The following TAS1R2 variants were observed in gnomAD, a reference collection of about 807,000 sequenced individuals.
TAS1R2 encodes taste 1 receptor member 2, also known as taste receptor type 1 member 2.
Under a neutral mutation model 49.3 loss-of-function variants are expected in TAS1R2, and 47 were observed. The observed-to-expected ratio is 0.95, with a 90% CI of 0.75 to 1.22. The LOEUF is 1.22. TAS1R2 is among the 50% of genes most tolerant of loss of function. TAS1R2 has a pLI of 0.00. For synonymous variants in TAS1R2, 479 were observed against 467.9 expected (o/e 1.02, Z -0.31); for missense variants, 1,155 against 1,122.1 (o/e 1.03, Z -0.42).
intron 3 of TAS1R2, among the ~76,000 whole-genome samples, chr1:18,850,744 G>A (rs1400213153): frequency 6.6e-6 from 1 of 152,230 alleles, no homozygotes; most frequent in African/African-American, 2.4e-5. Context: ...GACTATTATT[G>A]GCAGGGACTT....
chr1:18,841,070 G>C (rs1933815628), intron 5 of TAS1R2, among the ~76,000 whole-genome samples: 1 of 152,174 alleles, frequency 6.6e-6, no homozygotes, highest in Non-Finnish European at 1.5e-5. Flanking sequence ...TGCTCTGCTA[G>C]GCACATATTA....
In TAS1R2 at chr1:18,839,674, G is replaced by C; in HGVS notation, c.2445C>G (p.Ile815Met). 6.2e-7 allele frequency: 1 copy of C among 1,614,224 alleles called. No homozygotes were observed. Among genetic ancestry groups the C allele is most frequent in the South Asian group, 1.1e-5 (1 of 91,078 alleles). ...GCGTGTTGCGCTCCGGGTAGAAGAGGATCATGTAGCACTTGGGGCCGAAGT... is the reference window on the plus strand; with the variant it reads ...GCGTGTTGCGCTCCGGGTAGAAGAGCATCATGTAGCACTTGGGGCCGAAGT... The change falls in exon 6 of 6, where the codon ATC (isoleucine) becomes ATG (methionine). Residue 815 changes from isoleucine (I) to methionine (M), a missense_variant. Coordinates refer to ENST00000375371, the Ensembl canonical transcript of TAS1R2.
At chr1:18,839,767 G>C (rs138899345) in exon 6 of TAS1R2, 1 of 1,614,222 alleles carries the variant, frequency 6.2e-7, no homozygotes, top group Admixed American at 1.7e-5. Context: ...CCAGCACCCC[G>C]CTGTAGGCAG....
intron 2 of TAS1R2, among the ~76,000 whole-genome samples, chr1:18,855,960 C>T (rs560796980): frequency 9.2e-5 from 14 of 152,314 alleles, no homozygotes; most frequent in African/African-American, 3.1e-4. Context: ...CCATCATCCC[C>T]GGCCTGCACT....
intron 4 of TAS1R2, 55 bp from the exon 5 acceptor site, chr1:18,841,907 C>A: frequency 6.6e-7 from 1 of 1,510,550 alleles, no homozygotes; most frequent in Non-Finnish European, 9.0e-7. Flanking sequence ...TTCTGGGGGC[C>A]CCCTCCCCTC....
chr1:18,857,669 CA>C (rs1177487515), intron 1 of TAS1R2, 38 bp from the exon 2 acceptor site: 2 of 1,589,312 alleles, frequency 1.3e-6, no homozygotes, highest in Non-Finnish European at 1.7e-6. Flanking sequence ...GAAGCAGATC[CA>C]GAATGAGGAA....
rs1289495112 is a variant in TAS1R2, at chr1:18,854,694, G to A, written c.776C>T (p.Thr259Ile). 3.7e-6 allele frequency: 6 copies of A among 1,613,670 alleles called. No individual in the cohort carries two copies. The highest frequency in any genetic ancestry group is 1.3e-5 in the African/African-American group (1 of 74,944). Residue 259 changes from threonine (T) to isoleucine (I), a missense_variant, in exon 3 of 6, where the codon ACC (threonine) becomes ATC (isoleucine). Thr to Ile is a moderately conservative substitution (Grantham distance 89). Coordinates refer to ENST00000375371, the Ensembl canonical transcript of TAS1R2. The surrounding 1 kb of genome is among the most constrained non-coding windows in gnomAD (Gnocchi z 4.9). ...GCTCTGCTGCAGCTTGTCCACAATG[G>A]TCACCAGGCGCTGGCGCTCCTCTGA...
At chr1:18,845,950 C>T (rs1006720627) in intron 4 of TAS1R2, among the ~76,000 whole-genome samples, 1 of 152,204 alleles carries the variant, frequency 6.6e-6, no homozygotes, top group Non-Finnish European at 1.5e-5. Context: ...TGGGTAGTGG[C>T]TAAGTCCGCC....
intron 3 of TAS1R2, 22 bp from the exon 4 acceptor site, chr1:18,849,572 G>T (rs757229559): frequency 6.2e-7 from 1 of 1,612,368 alleles, no homozygotes; most frequent in Non-Finnish European, 8.5e-7. Context: ...AGAGGGAAGG[G>T]AAGTGGAGCT....
chr1:18,853,960 G>A (rs1934078256), intron 3 of TAS1R2, among the ~76,000 whole-genome samples: 4 of 152,206 alleles, frequency 2.6e-5, no homozygotes, highest in Non-Finnish European at 5.9e-5. Context: ...TGGGGGAGGG[G>A]GGCGCTGCCG....
intron 3 of TAS1R2, 44 bp from the exon 4 acceptor site, chr1:18,849,594 C>G: frequency 6.2e-7 from 1 of 1,604,216 alleles, no homozygotes; most frequent in Non-Finnish European, 8.5e-7. Context: ...GCATCAGAAT[C>G]TGAGCCAGAA....
At chr1:18,859,443 C>T (rs1191840913) in intron 1 of TAS1R2, 36 bp downstream of exon 1, 3 of 1,611,810 alleles carry the variant, frequency 1.9e-6, no homozygotes, top group South Asian at 1.1e-5. Context: ...CCACCCCATC[C>T]CCACTGCCAC....
rs1421969287 is a variant in TAS1R2 at position 18,854,190 on chromosome 1, C to A, written c.1257+23G>T. 6 of 1,607,180 alleles carry A rather than the reference C, an allele frequency of 3.7e-6. No individual in the cohort carries two copies. Among genetic ancestry groups the A allele is most frequent in the Middle Eastern group, 1.7e-4 (1 of 6,052 alleles). ...GAGGAGGATGGAGGTGCCCTGCAGA[C>A]TCTATGGCAGCCACCCCCTCACCTG... On this transcript the variant is annotated intron_variant, in intron 3 of 5. Coordinates refer to ENST00000375371, the Ensembl canonical transcript of TAS1R2. This position sits in a 1 kb window ranked among gnomAD's most constrained non-coding sequence, Gnocchi z 4.9.
At chr1:18,853,050 A>C (rs1425029137) in intron 3 of TAS1R2, among the ~76,000 whole-genome samples, 2 of 152,236 alleles carry the variant, frequency 1.3e-5, no homozygotes, top group Non-Finnish European at 2.9e-5. Flanking sequence ...TGCCAGTTGC[A>C]GCTGGGAGGA....
exon 2 of TAS1R2, chr1:18,857,358 G>T: frequency 6.2e-7 from 1 of 1,614,112 alleles, no homozygotes. Flanking sequence ...GGGAGAGGAA[G>T]TTGGCCACAG....
rs977860164 is a variant in TAS1R2, at chr1:18,854,284, C to T, written c.1186G>A (p.Ala396Thr). ...CCGAGGAGGCTGTGCAGGGCATGGG[C>T]CACAGCATAGACCGCAGAGTACACG... Residue 396 changes from alanine to threonine, a missense_variant, in exon 3 of 6, where the codon GCC (alanine) becomes ACC (threonine). Ala to Thr is a moderately conservative substitution (Grantham distance 58). Transcript: ENST00000375371. The surrounding 1 kb of genome is among the most constrained non-coding windows in gnomAD (Gnocchi z 4.9). The T allele has an allele frequency of 6.2e-6, 10 of 1,614,062 alleles. No homozygotes were observed. In the Admixed American group the frequency reaches 1.3e-4, roughly 22 times the overall value.
chr1:18,855,058 C>T, intron 2 of TAS1R2, 72 bp from the exon 3 acceptor site: 1 of 1,541,608 alleles, frequency 6.5e-7, no homozygotes. Flanking sequence ...GGGCTCTATC[C>T]ACCATCATCA....
At chr1:18,847,225 G>A (rs1933937338) in intron 4 of TAS1R2, among the ~76,000 whole-genome samples, 1 of 152,184 alleles carries the variant, frequency 6.6e-6, no homozygotes, top group South Asian at 2.1e-4. Context: ...ATATCAAAGA[G>A]TGCCAGCAAA....
At chr1:18,858,267 G>A (rs111067985) in intron 1 of TAS1R2, 6,022 of 130,126 alleles carry the variant, frequency 0.046, 364 homozygotes, top group African/African-American at 0.15. Context: ...CATCACCAAC[G>A]TCATCACTAA....
Sources: gnomAD v4.1 joint callset for allele counts (sites outside exome capture counted in the v4.1 genomes callset) on GRCh38, gnomAD v4.1.1 for gene constraint, Gnocchi (gnomAD v3.1) non-coding constraint, MANE v1.5 for transcripts, NCBI Gene and HGNC (gene_info 2026-07-23, HGNC 2026-07-21) for gene names.